The following MTSS1 variants were observed in gnomAD, a reference collection of about 807,000 sequenced individuals.
MTSS1 encodes the protein MTSS I-BAR domain containing 1.
A neutral mutation model predicts 79.0 loss-of-function variants in MTSS1; 18 were observed. The ratio of observed to expected loss-of-function variants is 0.23; its 90% confidence interval spans 0.16 to 0.34. The LOEUF is 0.34. Ranked by LOEUF, MTSS1 falls within the 10% of genes least tolerant of loss-of-function variation. MTSS1 has a pLI of 1.00. For missense variants in MTSS1, 815 were observed against 986.2 expected, an observed-to-expected ratio of 0.83 and a Z score of 2.33; for synonymous variants, 341 against 368.6, an observed-to-expected ratio of 0.93 and a Z score of 0.86.
intron 3 of MTSS1, among the ~76,000 whole-genome samples, chr8:124,698,575 G>A (rs552303875): frequency 5.9e-4 from 88 of 149,304 alleles, no homozygotes; most frequent in African/African-American, 1.9e-3. Flanking sequence ...GCAGTGGCGC[G>A]ATCTGGGCTC....
At chr8:124,716,641 G>T (rs1832036792) in intron 1 of MTSS1, among the ~76,000 whole-genome samples, 1 of 152,178 alleles carries the variant, frequency 6.6e-6, no homozygotes, top group South Asian at 2.1e-4. Context: ...CAGGGAATCT[G>T]CATTTTAACC....
At chr8:124,570,580 G>GTA (rs535357857) in intron 6 of MTSS1, among the ~76,000 whole-genome samples, 127 of 152,318 alleles carry the variant, frequency 8.3e-4, no homozygotes, top group African/African-American at 2.7e-3. Context: ...AAAAACCACA[G>GTA]TATATGTAAG....
At chr8:124,629,147 C>T (rs919937408) in intron 3 of MTSS1, among the ~76,000 whole-genome samples, 1 of 152,164 alleles carries the variant, frequency 6.6e-6, no homozygotes, top group African/African-American at 2.4e-5. Context: ...ATCATCACCC[C>T]CATTTTATAG....
intron 9 of MTSS1, among the ~76,000 whole-genome samples, chr8:124,564,026 G>A (rs903376979): frequency 6.6e-6 from 1 of 151,584 alleles, no homozygotes; most frequent in African/African-American, 2.4e-5. Context: ...AGCTACTTGG[G>A]AGGCCAAGGC....
At chr8:124,581,287 C>CA (rs10616707) in intron 6 of MTSS1, among the ~76,000 whole-genome samples, 5,614 of 100,754 alleles carry the variant, frequency 0.056, 265 homozygotes, top group African/African-American at 0.13. Flanking sequence ...GATGCTGACT[C>CA]AAAAAAAAAA....
In MTSS1 at chr8:124,608,659, T is replaced by C. The variant is rs1279473333; in HGVS notation, c.209-17424A>G. On this transcript the variant is annotated intron_variant, in intron 3 of 13. Coordinates refer to ENST00000518547, the MANE Select transcript of MTSS1 (RefSeq NM_014751.6). ...TCCTTGTTTTTTATGTTAGTTACTTTTTTAGAATGAGCTCTTCATAGACAA... is the reference window on the plus strand; with the variant it reads ...TCCTTGTTTTTTATGTTAGTTACTTCTTTAGAATGAGCTCTTCATAGACAA... Among the ~76,000 whole-genome samples, 3 of 152,232 alleles carry C rather than the reference T, an allele frequency of 2.0e-5. No individual in the cohort carries two copies. In the East Asian group the frequency reaches 5.8e-4, roughly 29 times the overall value.
At chr8:124,707,177 C>T (rs961236196) in intron 1 of MTSS1, among the ~76,000 whole-genome samples, 2 of 152,122 alleles carry the variant, frequency 1.3e-5, no homozygotes, top group African/African-American at 4.8e-5. Context: ...GAGCCAGACC[C>T]TCCTCTCCCA....
intron 13 of MTSS1, among the ~76,000 whole-genome samples, chr8:124,554,156 T>A (rs2131702090): frequency 6.6e-6 from 1 of 152,148 alleles, no homozygotes; most frequent in South Asian, 2.1e-4. Context: ...TGACAGTGAG[T>A]CCCTGACAAT....
At chr8:124,713,534 C>T (rs1027038292) in intron 1 of MTSS1, among the ~76,000 whole-genome samples, 4 of 152,330 alleles carry the variant, frequency 2.6e-5, no homozygotes, top group Middle Eastern at 3.4e-3. Context: ...AGAGATTCTC[C>T]TGCCTCAGCC....
At chr8:124,640,972 C>CA (rs1360023416) in intron 3 of MTSS1, among the ~76,000 whole-genome samples, 1 of 151,036 alleles carries the variant, frequency 6.6e-6, no homozygotes, top group African/African-American at 2.4e-5. Flanking sequence ...ACTTAGTTTT[C>CA]AAAAAAACGA....
intron 1 of MTSS1, among the ~76,000 whole-genome samples, chr8:124,709,902 C>T (rs1191380597): frequency 6.6e-6 from 1 of 152,350 alleles, no homozygotes; most frequent in East Asian, 1.9e-4. Flanking sequence ...CTCTGACACA[C>T]CCCCTTCCCA....
intron 3 of MTSS1, among the ~76,000 whole-genome samples, chr8:124,605,544 ACTGCCTCCCTCCCTGCCCTCTCG>A (rs748895607): frequency 0.044 from 5,778 of 132,712 alleles, 230 homozygotes; most frequent in Admixed American, 0.077. Context: ...CAGCCCTCGC[ACTGCCTCCCTCCCTGCCCTCTCG>A]CTGCCTCCCT....
At chr8:124,602,207 A>ACACACACACACACATATATAT in intron 3 of MTSS1, among the ~76,000 whole-genome samples, 31 of 142,116 alleles carry the variant, frequency 2.2e-4, no homozygotes, top group East Asian at 6.0e-4. Flanking sequence ...ATATATATAT[A>ACACACACACACACATATATAT]ATTTTTTTTT....
intron 6 of MTSS1, among the ~76,000 whole-genome samples, chr8:124,576,887 G>A (rs1308942922): frequency 1.4e-5 from 2 of 141,910 alleles, no homozygotes; most frequent in South Asian, 2.2e-4. Context: ...GTATTTGGTC[G>A]AAAATTAACG....
chr8:124,556,025 T>A (rs542670654), intron 12 of MTSS1, 121 bp from the exon 13 acceptor site: 1 of 1,543,634 alleles, frequency 6.5e-7, no homozygotes, highest in Non-Finnish European at 8.7e-7. Flanking sequence ...CTTGCTTGGG[T>A]CCCACTCTGA....
intron 3 of MTSS1, among the ~76,000 whole-genome samples, chr8:124,672,826 T>TGC (rs1824503358): frequency 6.6e-6 from 1 of 151,066 alleles, no homozygotes; most frequent in South Asian, 2.1e-4. Context: ...AATACACACA[T>TGC]GCACACACAC....
rs1392380663 is a variant in MTSS1 at position 124,589,047 on chromosome 8, T to C, written c.385+573A>G. On this transcript the variant is annotated intron_variant, in intron 5 of 13. Transcript: ENST00000518547. ...TCTTCTTTTTCTTTTTTTTTGTTTT[T>C]TGAGATGGAGTCTCACTCTGTCGTC... Among the ~76,000 whole-genome samples the C allele has an allele frequency of 6.6e-5, 10 of 151,338 alleles. No individual in the cohort carries two copies. The East Asian group carries it at 1.8e-3, about 27-fold the overall frequency.
chr8:124,656,881 G>A (rs1467258050), intron 3 of MTSS1, among the ~76,000 whole-genome samples: 4 of 152,054 alleles, frequency 2.6e-5, no homozygotes, highest in African/African-American at 9.7e-5. Flanking sequence ...GCAACATGGG[G>A]ATAGAGGAAG....
chr8:124,644,258 C>A (rs780425012), intron 3 of MTSS1, among the ~76,000 whole-genome samples: 26 of 152,206 alleles, frequency 1.7e-4, no homozygotes, highest in Non-Finnish European at 2.9e-4. Flanking sequence ...ATTTTGGTTT[C>A]CTTGGCAACC....
Sources: allele counts gnomAD v4.1 joint callset (sites outside exome capture counted in the v4.1 genomes callset), GRCh38; gene constraint gnomAD v4.1.1; transcripts MANE v1.5; gene names NCBI Gene and HGNC (gene_info 2026-07-23, HGNC 2026-07-21).